LIMCH1: variants seen among roughly 807,000 people sequenced by gnomAD.
LIMCH1 encodes LIM and calponin homology domains 1, also known as LIM and calponin homology domains-containing protein 1.
In LIMCH1, 113 loss-of-function variants were observed where a neutral mutation model predicts 176.5. The ratio of observed to expected loss-of-function variants is 0.64; its 90% confidence interval spans 0.55 to 0.75. The LOEUF is 0.75. Among genes scored for constraint, LIMCH1 ranks in the 30% least tolerant of loss-of-function variants. LIMCH1 has a pLI of 0.00. For synonymous variants in LIMCH1, 619 were observed against 645.9 expected, an observed-to-expected ratio of 0.96 and a Z score of 0.63; for missense variants, 1,674 against 1,814.9, an observed-to-expected ratio of 0.92 and a Z score of 1.41.
chr4:41,412,903 A>G (rs2059614253), intron 1 of LIMCH1, among the ~76,000 whole-genome samples: 1 of 152,182 alleles, frequency 6.6e-6, no homozygotes, highest in Non-Finnish European at 1.5e-5. Context: ...AAAATGGTTT[A>G]GCTCAACTCT....
chr4:41,506,828 A>G (rs1207594596), intron 2 of LIMCH1, among the ~76,000 whole-genome samples: 1 of 152,196 alleles, frequency 6.6e-6, no homozygotes. Flanking sequence ...CAATTCTCCA[A>G]TACCAGCTGG....
At chr4:41,410,862 GC>G (rs2154123334) in intron 1 of LIMCH1, among the ~76,000 whole-genome samples, 1 of 152,172 alleles carries the variant, frequency 6.6e-6, no homozygotes, top group East Asian at 1.9e-4. Flanking sequence ...ATTTTGCCAG[GC>G]CCTGCTCCCT....
At chr4:41,625,553 T>C (rs2092893003) in intron 7 of LIMCH1, among the ~76,000 whole-genome samples, 1 of 152,194 alleles carries the variant, frequency 6.6e-6, no homozygotes, top group African/African-American at 2.4e-5. Context: ...AAATCAGTCA[T>C]TGTGACAACT....
At chr4:41,428,957 TCTTA>T (rs1296708105) in intron 1 of LIMCH1, among the ~76,000 whole-genome samples, 2 of 152,216 alleles carry the variant, frequency 1.3e-5, no homozygotes, top group African/African-American at 4.8e-5. Context: ...TGATTCCCCT[TCTTA>T]CTTTTTTTCT....
chr4:41,499,976 A>G (rs2072958069), intron 2 of LIMCH1, among the ~76,000 whole-genome samples: 1 of 152,214 alleles, frequency 6.6e-6, no homozygotes, highest in Admixed American at 6.5e-5. Context: ...ATTTTGTAGA[A>G]TATATCTCAC....
At chr4:41,593,276 C>T (rs1265793925) in intron 1 of LIMCH1, among the ~76,000 whole-genome samples, 1 of 152,218 alleles carries the variant, frequency 6.6e-6, no homozygotes, top group Non-Finnish European at 1.5e-5. Context: ...ATGGAAGTTA[C>T]ATAAACAGTG....
intron 1 of LIMCH1, among the ~76,000 whole-genome samples, chr4:41,469,632 C>A (rs2066645792): frequency 1.3e-5 from 2 of 149,050 alleles, no homozygotes; most frequent in Non-Finnish European, 3.0e-5. Context: ...GTTTTAACAA[C>A]CTTTTTTAGG....
At chr4:41,458,502 C>T (rs188240560) in intron 1 of LIMCH1, among the ~76,000 whole-genome samples, 22 of 152,082 alleles carry the variant, frequency 1.4e-4, no homozygotes, top group Non-Finnish European at 3.1e-4. Context: ...GTGGGCCAGG[C>T]GTGGTGGCTC....
At chr4:41,593,313 C>T (rs2088019139) in intron 1 of LIMCH1, among the ~76,000 whole-genome samples, 1 of 152,188 alleles carries the variant, frequency 6.6e-6, no homozygotes, top group African/African-American at 2.4e-5. Context: ...TAATATTTGT[C>T]TAGTACAAAA....
chr4:41,460,091 A>C (rs1420427788), intron 1 of LIMCH1, among the ~76,000 whole-genome samples: 1 of 152,148 alleles, frequency 6.6e-6, no homozygotes. Flanking sequence ...GGGTGTGGGC[A>C]GTAGGATATG....
At chr4:41,514,925 AT>A (rs1230297265) in intron 2 of LIMCH1, among the ~76,000 whole-genome samples, 1 of 152,200 alleles carries the variant, frequency 6.6e-6, no homozygotes, top group Non-Finnish European at 1.5e-5. Context: ...ACAAAGTCTT[AT>A]GTAACCCAAA....
intron 17 of LIMCH1, among the ~76,000 whole-genome samples, chr4:41,648,734 C>T (rs956664985): frequency 3.6e-5 from 5 of 140,538 alleles, no homozygotes; most frequent in Admixed American, 7.3e-5. Flanking sequence ...ATACAGGCCC[C>T]GTTGTTTTTC....
rs1561423679 is a variant in LIMCH1 at position 41,454,611 on chromosome 4, A to G, written c.97-39925A>G. ...CCAAGCTCTGGGAGAAATCTGTAGCATTCAAACAGTCCCCTGAGTATGTGT... is the reference window on the plus strand; with the variant it reads ...CCAAGCTCTGGGAGAAATCTGTAGCGTTCAAACAGTCCCCTGAGTATGTGT... On this transcript the variant is annotated intron_variant, in intron 1 of 26. Coordinates refer to the LIMCH1 transcript ENST00000313860. 2.6e-5 allele frequency among the ~76,000 whole-genome samples: 4 copies of G among 152,246 alleles called. No individual in the cohort carries two copies. The East Asian group carries it at 7.7e-4, about 29-fold the overall frequency.
chr4:41,451,605 C>G (rs895251832), intron 1 of LIMCH1, among the ~76,000 whole-genome samples: 1 of 152,108 alleles, frequency 6.6e-6, no homozygotes, highest in Admixed American at 6.6e-5. Flanking sequence ...GAGGATTGGC[C>G]TATTGTGCAA....
rs948291967 is a variant in LIMCH1 at position 41,524,313 on chromosome 4, C to G, written c.168-96C>G. 4.1e-5 allele frequency: 37 copies of G among 911,124 alleles called. No individual in the cohort carries two copies. The African/African-American group carries it at 4.7e-4, about 12-fold the overall frequency. The allele number at this position is 911,124 out of a possible 1,614,324, so 56.4% of individuals were successfully genotyped here. A position where few individuals can be genotyped will look rare whatever the true frequency, so the allele number is the denominator to read the frequency against. On this transcript the variant is annotated intron_variant, in intron 2 of 26. Coordinates refer to the LIMCH1 transcript ENST00000313860. Reference sequence around the variant, plus strand: ...TATATGCTTTAAATTCACTGCTTTTCCTATCCAGCAATTTAGCTGTAGCCC... The same window carrying G: ...TATATGCTTTAAATTCACTGCTTTTGCTATCCAGCAATTTAGCTGTAGCCC...
chr4:41,645,564 A>G (rs762884877), intron 15 of LIMCH1, among the ~76,000 whole-genome samples: 3 of 152,168 alleles, frequency 2.0e-5, no homozygotes, highest in East Asian at 1.9e-4. Context: ...AACCCCAACC[A>G]TCTGCCTCCA....
chr4:41,497,802 T>C (rs2072469425), intron 2 of LIMCH1, among the ~76,000 whole-genome samples: 1 of 94,262 alleles, frequency 1.1e-5, no homozygotes. Context: ...CGAAACTTCG[T>C]CTCAAAAAAA....
intron 1 of LIMCH1, among the ~76,000 whole-genome samples, chr4:41,463,069 C>T (rs548301686): frequency 0.011 from 1,215 of 110,910 alleles, 14 homozygotes; most frequent in African/African-American, 0.042. Context: ...CAGGATCACC[C>T]GAATATTTAA....
intron 1 of LIMCH1, among the ~76,000 whole-genome samples, chr4:41,435,998 C>G (rs1031257592): frequency 5.3e-5 from 8 of 152,300 alleles, no homozygotes; most frequent in African/African-American, 1.9e-4. Context: ...AAGAAATAAC[C>G]AGTGTACCAT....
Sources: gnomAD v4.1 joint callset for allele counts (sites outside exome capture counted in the v4.1 genomes callset) on GRCh38, gnomAD v4.1.1 for gene constraint, MANE v1.5 for transcripts, NCBI Gene and HGNC (gene_info 2026-07-23, HGNC 2026-07-21) for gene names.